CAPN2: variants seen among roughly 807,000 people sequenced by gnomAD.
The protein encoded by CAPN2 is calpain-2 catalytic subunit.
In CAPN2, 92 loss-of-function variants were observed where a neutral mutation model predicts 102.3. The observed-to-expected ratio is 0.90, with a 90% CI of 0.76 to 1.07. The LOEUF is 1.07. Ranked by LOEUF, CAPN2 falls within the 50% of genes least tolerant of loss-of-function variation. CAPN2 has a pLI of 0.00. For synonymous variants in CAPN2, 340 were observed against 355.4 expected, an observed-to-expected ratio of 0.96 and a Z score of 0.49; for missense variants, 800 against 909.4, an observed-to-expected ratio of 0.88 and a Z score of 1.55.
At position 223,706,343 on chromosome 1, in the gene CAPN2, T is replaced by C. The variant is rs560912189; in HGVS notation, c.3+4512T>C. On this transcript the variant is annotated intron_variant, in intron 1 of 20. Coordinates refer to the CAPN2 transcript ENST00000433674. ...CTGTCCAATACTCATGCTACAGCTATGAGGAAAGAATAAACCCTGCAGCTG... is the reference window on the plus strand; with the variant it reads ...CTGTCCAATACTCATGCTACAGCTACGAGGAAAGAATAAACCCTGCAGCTG... 3.9e-5 allele frequency among the ~76,000 whole-genome samples: 6 copies of C among 152,348 alleles called. No individual in the cohort carries two copies. In the South Asian group the frequency reaches 1.2e-3, roughly 32 times the overall value.
chr1:223,766,314 G>A lies in CAPN2; in HGVS notation c.1691-53G>A, dbSNP rs9970756. 0.012 allele frequency: 16,415 copies of A among 1,337,050 alleles called. 942 individuals carry two copies. The African/African-American group carries it at 0.14, about 12-fold the overall frequency. The allele number at this position is 1,337,050 out of a possible 1,614,324, so 82.8% of individuals were successfully genotyped here. On this transcript the variant is annotated intron_variant, in intron 15 of 20. Coordinates refer to ENST00000295006, the MANE Select transcript of CAPN2 (RefSeq NM_001748.5). Reference sequence around the variant, plus strand: ...TATCTCCATGATTGTGGAAAGTTCAGTTGGACATCACCGCTCAGAGATTTT... The same window carrying A: ...TATCTCCATGATTGTGGAAAGTTCAATTGGACATCACCGCTCAGAGATTTT...
Position 223,757,360 on chromosome 1 carries a change from A to G in CAPN2, c.1306-9A>G. 1 of 1,614,086 alleles carries G rather than the reference A, an allele frequency of 6.2e-7. No individual in the cohort carries two copies. The highest frequency in any genetic ancestry group is 8.5e-7 in the Non-Finnish European group (1 of 1,180,004). ...CCGGCATCTGAATTGCATCTCCTTTATTTTGCAGGTTCCAGAGGAGGTACG... is the reference window on the plus strand; with the variant it reads ...CCGGCATCTGAATTGCATCTCCTTTGTTTTGCAGGTTCCAGAGGAGGTACG... On this transcript the variant is annotated splice_polypyrimidine_tract_variant and intron_variant, in intron 10 of 20. Coordinates refer to ENST00000295006, the MANE Select transcript of CAPN2 (RefSeq NM_001748.5).
rs776848544 is a variant in CAPN2, at chr1:223,745,477, C to G, written c.560+38C>G. 2.5e-6 allele frequency: 4 copies of G among 1,612,194 alleles called. No homozygotes were observed. The African/African-American group carries it at 5.3e-5, about 22-fold the overall frequency. ...CCTCCCCTGGCCCCATGGCCTTCCC[C>G]CAATGCCCTGGATTCCAAAAAATTC... On this transcript the variant is annotated intron_variant, in intron 4 of 20. Transcript: ENST00000295006.
rs571327891 is a variant in CAPN2 at position 223,727,285 on chromosome 1, G to C, written c.307+9454G>C. ...ACAGGTACGATTTGAGATCCATCAG[G>C]GTTTCTCAACCTTGGCACAACTGAC... On this transcript the variant is annotated intron_variant, in intron 2 of 20. Coordinates refer to ENST00000295006, the MANE Select transcript of CAPN2 (RefSeq NM_001748.5). The surrounding 1 kb of genome is among the most constrained non-coding windows in gnomAD (Gnocchi z 4.1). 2.0e-5 allele frequency among the ~76,000 whole-genome samples: 3 copies of C among 152,262 alleles called. No individual in the cohort carries two copies. In the South Asian group the frequency reaches 6.2e-4, roughly 32 times the overall value.
Position 223,755,474 on chromosome 1 carries a change from C to T in CAPN2, c.1136-6C>T. 6.2e-7 allele frequency: 1 copy of T among 1,613,768 alleles called. No homozygotes were observed. Among genetic ancestry groups the T allele is most frequent in the South Asian group, 1.1e-5 (1 of 91,056 alleles). On this transcript the variant is annotated splice_polypyrimidine_tract_variant and splice_region_variant and intron_variant, in intron 9 of 20. Transcript: ENST00000295006. This position sits in a 1 kb window ranked among gnomAD's most constrained non-coding sequence, Gnocchi z 4.1. ...GCTGGGCTCCTCTGCCCCTTTCTGGCTGCAGACACATTCTGGATGAACCCT... is the reference window on the plus strand; with the variant it reads ...GCTGGGCTCCTCTGCCCCTTTCTGGTTGCAGACACATTCTGGATGAACCCT...
intron 11 of CAPN2, chr1:223,758,258 C>T (rs929479993): frequency 2.6e-5 from 4 of 152,240 alleles, no homozygotes; most frequent in African/African-American, 7.2e-5. Flanking sequence ...GGCCCACAGT[C>T]ACCGCTTGCT....
At chr1:223,733,204 T>C (rs1283168518) in intron 2 of CAPN2, among the ~76,000 whole-genome samples, 1 of 151,640 alleles carries the variant, frequency 6.6e-6, no homozygotes, top group African/African-American at 2.4e-5. Flanking sequence ...TCTCCTGCAC[T>C]CCCCCTCCCC....
At chr1:223,703,393 C>A (rs1461498386) in intron 1 of CAPN2, among the ~76,000 whole-genome samples, 1 of 152,014 alleles carries the variant, frequency 6.6e-6, no homozygotes, top group South Asian at 2.1e-4. Context: ...GTCCTCTCAC[C>A]TCTGCCTCCC....
At chr1:223,736,164 C>G (rs1237458474) in intron 2 of CAPN2, among the ~76,000 whole-genome samples, 1 of 152,200 alleles carries the variant, frequency 6.6e-6, no homozygotes, top group Admixed American at 6.5e-5. Context: ...GACCCCGCCT[C>G]TGGGATTGTT....
intron 2 of CAPN2, among the ~76,000 whole-genome samples, chr1:223,733,574 A>T (rs1298930725): frequency 6.6e-6 from 1 of 152,118 alleles, no homozygotes; most frequent in East Asian, 1.9e-4. Context: ...AGTGGAAGGA[A>T]GGGCTGGCTA....
upstream of CAPN2, among the ~76,000 whole-genome samples, chr1:223,709,279 G>A (rs943446895): frequency 6.6e-6 from 1 of 152,062 alleles, no homozygotes; most frequent in African/African-American, 2.4e-5. Context: ...AATAGATGGG[G>A]GCAGAGGAAT....
Position 223,712,575 on chromosome 1 carries a change from C to A in CAPN2, c.-66C>A. 1 of 1,399,550 alleles carries A rather than the reference C, an allele frequency of 7.1e-7. No homozygotes were observed. The highest frequency in any genetic ancestry group is 1.6e-5 in the South Asian group (1 of 64,226). The allele number at this position is 1,399,550 out of a possible 1,614,324, so 86.7% of individuals were successfully genotyped here. ...CAGCGCGCCGGGCCCTGGCCGCGCCCCAGCCGAGCGCAGCGCGGAGTCGCC... is the reference window on the plus strand; with the variant it reads ...CAGCGCGCCGGGCCCTGGCCGCGCCACAGCCGAGCGCAGCGCGGAGTCGCC... On this transcript the variant is annotated 5_prime_UTR_variant, in exon 1 of 21. Coordinates refer to ENST00000295006, the MANE Select transcript of CAPN2 (RefSeq NM_001748.5).
At chr1:223,743,237 G>C (rs992688265) in intron 2 of CAPN2, among the ~76,000 whole-genome samples, 24 of 152,170 alleles carry the variant, frequency 1.6e-4, no homozygotes, top group African/African-American at 5.8e-4. Flanking sequence ...CCACCTCGTT[G>C]TGCCCATCCT....
intron 2 of CAPN2, among the ~76,000 whole-genome samples, chr1:223,733,260 C>T (rs1448399847): frequency 6.6e-6 from 1 of 152,066 alleles, no homozygotes; most frequent in East Asian, 1.9e-4. Context: ...GGAAAGACAG[C>T]AGTAGCGGAA....
rs530452318 is a variant in CAPN2 at position 223,754,817 on chromosome 1, C to T, written c.1136-663C>T. On this transcript the variant is annotated intron_variant, in intron 9 of 20. Transcript: ENST00000295006. This position sits in a 1 kb window ranked among gnomAD's most constrained non-coding sequence, Gnocchi z 4.7. Reference sequence around the variant, plus strand: ...TTGGCCTCCGGGCTCACCGAGGGGGCGGCGACCGGCAAGTGCAGGGAGCAG... The same window carrying T: ...TTGGCCTCCGGGCTCACCGAGGGGGTGGCGACCGGCAAGTGCAGGGAGCAG... Among the ~76,000 whole-genome samples, 78 of 152,222 alleles carry T rather than the reference C, an allele frequency of 5.1e-4. No homozygotes were observed. The highest frequency in any genetic ancestry group is 1.7e-3 in the African/African-American group (72 of 41,544).
intron 1 of CAPN2, among the ~76,000 whole-genome samples, chr1:223,707,310 CA>C (rs1659633586): frequency 6.6e-6 from 1 of 152,018 alleles, no homozygotes; most frequent in East Asian, 1.9e-4. Context: ...CATTTACTCA[CA>C]AGGTCAGTGG....
At chr1:223,718,999 GACAGACTGTGAGGAAGA>G (rs28370025) in intron 2 of CAPN2, among the ~76,000 whole-genome samples, 14,787 of 152,166 alleles carry the variant, frequency 0.097, 796 homozygotes, top group African/African-American at 0.14. Flanking sequence ...CATTAGGACA[GACAGACTGTGAGGAAGA>G]ACATGAGCTG....
At chr1:223,769,750 T>A (rs1299588122) in intron 16 of CAPN2, 91 bp from the exon 17 acceptor site, 18 of 916,744 alleles carry the variant, frequency 2.0e-5, no homozygotes, top group Non-Finnish European at 2.5e-5. Flanking sequence ...GTATATGCTA[T>A]GATATTCAAA....
At position 223,727,163 on chromosome 1, in the gene CAPN2, C is replaced by T. The variant is rs1660214901; in HGVS notation, c.307+9332C>T. On this transcript the variant is annotated intron_variant, in intron 2 of 20. Transcript: ENST00000295006. The surrounding 1 kb of genome is among the most constrained non-coding windows in gnomAD (Gnocchi z 4.1). Reference sequence around the variant, plus strand: ...TTGTCTCAGGAAGGGTGAAATTTAGCCAGGAGCAGTCTTCAGTAGCTTGGT... The same window carrying T: ...TTGTCTCAGGAAGGGTGAAATTTAGTCAGGAGCAGTCTTCAGTAGCTTGGT... Among the ~76,000 whole-genome samples the T allele has an allele frequency of 1.3e-5, 2 of 152,178 alleles. No homozygotes were observed. The highest frequency in any genetic ancestry group is 2.9e-5 in the Non-Finnish European group (2 of 68,028).
Sources: gnomAD v4.1 joint callset for allele counts (sites outside exome capture counted in the v4.1 genomes callset) on GRCh38, gnomAD v4.1.1 for gene constraint, Gnocchi (gnomAD v3.1) non-coding constraint, MANE v1.5 for transcripts, NCBI Gene and HGNC (gene_info 2026-07-23, HGNC 2026-07-21) for gene names.